Variants in TEAD1 observed in about 807,000 individuals in gnomAD.
TEAD1 encodes the protein transcriptional enhancer factor TEF-1.
A neutral mutation model predicts 54.9 loss-of-function variants in TEAD1; 9 were observed. That is an observed-to-expected ratio of 0.16 (90% CI 0.10 to 0.29). The LOEUF is 0.29. Among genes scored for constraint, TEAD1 ranks in the 10% least tolerant of loss-of-function variants. The pLI, the probability that TEAD1 is intolerant of heterozygous loss-of-function variation, is 1.00. For missense variants in TEAD1, 387 were observed against 535.9 expected (o/e 0.72, Z 2.74); for synonymous variants, 200 against 187.8 (o/e 1.07, Z -0.53).
At chr11:12,784,688 T>A (rs1445400974) in intron 3 of TEAD1, among the ~76,000 whole-genome samples, 3 of 152,208 alleles carry the variant, frequency 2.0e-5, no homozygotes, top group Non-Finnish European at 2.9e-5. Context: ...TGCTGATGTC[T>A]TGGCATGTTC....
At chr11:12,743,843 G>A (rs905925792) in intron 2 of TEAD1, among the ~76,000 whole-genome samples, 3 of 152,164 alleles carry the variant, frequency 2.0e-5, no homozygotes, top group Non-Finnish European at 4.4e-5. Flanking sequence ...CCCTTGATTT[G>A]CCGGACACCT....
intron 2 of TEAD1, among the ~76,000 whole-genome samples, chr11:12,693,155 C>T (rs560214009): frequency 1.5e-4 from 23 of 152,234 alleles, no homozygotes; most frequent in Non-Finnish European, 2.9e-4. Context: ...GCCAGAGGTG[C>T]GAGCCCCTGG....
At chr11:12,844,268 C>T (rs1295849030) in intron 3 of TEAD1, among the ~76,000 whole-genome samples, 1 of 152,136 alleles carries the variant, frequency 6.6e-6, no homozygotes, top group Non-Finnish European at 1.5e-5. Flanking sequence ...AGGTTAAAAA[C>T]TTCACATTTG....
intron 3 of TEAD1, among the ~76,000 whole-genome samples, chr11:12,826,721 G>GA (rs1480497327): frequency 6.6e-6 from 1 of 152,072 alleles, no homozygotes; most frequent in Non-Finnish European, 1.5e-5. Context: ...AGCATCAAAT[G>GA]AAAAAATGTG....
intron 2 of TEAD1, among the ~76,000 whole-genome samples, chr11:12,759,099 T>C (rs1032230576): frequency 2.0e-5 from 3 of 152,134 alleles, no homozygotes; most frequent in African/African-American, 7.2e-5. Context: ...ATTATGAGGA[T>C]TAGTTAAAAT....
At chr11:12,883,959 C>T (rs563120357) in intron 9 of TEAD1, among the ~76,000 whole-genome samples, 22 of 149,794 alleles carry the variant, frequency 1.5e-4, no homozygotes, top group Admixed American at 1.1e-3. Flanking sequence ...CGCGCCACTG[C>T]ACTCCAGCCT....
chr11:12,762,158 C>T (rs1233894409), intron 2 of TEAD1, among the ~76,000 whole-genome samples: 5 of 152,066 alleles, frequency 3.3e-5, no homozygotes. Context: ...GTGAACTGCC[C>T]AGAGCTCAAG....
At chr11:12,823,156 A>G (rs760699458) in intron 3 of TEAD1, among the ~76,000 whole-genome samples, 1 of 152,236 alleles carries the variant, frequency 6.6e-6, no homozygotes, top group Non-Finnish European at 1.5e-5. Context: ...CTTGCTAATC[A>G]GGCTATCCCC....
At chr11:12,925,409 T>G (rs1461089298) in intron 11 of TEAD1, among the ~76,000 whole-genome samples, 4 of 152,038 alleles carry the variant, frequency 2.6e-5, no homozygotes, top group Non-Finnish European at 5.9e-5. Flanking sequence ...TGGTGAGAAC[T>G]CCCACAGTAT....
intron 3 of TEAD1, among the ~76,000 whole-genome samples, chr11:12,810,270 C>T (rs1400006462): frequency 7.9e-5 from 12 of 151,986 alleles, no homozygotes; most frequent in African/African-American, 1.5e-4. Flanking sequence ...TGAGCCACTG[C>T]GCCCTTCCTC....
intron 3 of TEAD1, among the ~76,000 whole-genome samples, chr11:12,825,335 A>G (rs1336317062): frequency 6.6e-6 from 1 of 152,246 alleles, no homozygotes; most frequent in East Asian, 1.9e-4. Context: ...CTAAAGGAAC[A>G]CATGCCCAAT....
intron 10 of TEAD1, among the ~76,000 whole-genome samples, chr11:12,920,305 C>A (rs2727408): frequency 0.53 from 80,410 of 152,014 alleles, 21,829 homozygotes; most frequent in South Asian, 0.65. Context: ...TTACTAACAT[C>A]ATGATGAATA....
chr11:12,760,572 T>G (rs1019034877), intron 2 of TEAD1, among the ~76,000 whole-genome samples: 1 of 152,098 alleles, frequency 6.6e-6, no homozygotes, highest in African/African-American at 2.4e-5. Context: ...TATGGGGAGG[T>G]AAAGATATCA....
At chr11:12,836,264 C>A (rs990727895) in intron 3 of TEAD1, among the ~76,000 whole-genome samples, 6 of 151,558 alleles carry the variant, frequency 4.0e-5, no homozygotes, top group Non-Finnish European at 8.8e-5. Flanking sequence ...ACTAAAAATA[C>A]AAAAAATTAG....
intron 3 of TEAD1, among the ~76,000 whole-genome samples, chr11:12,859,853 A>G (rs1947463444): frequency 6.6e-6 from 1 of 152,196 alleles, no homozygotes; most frequent in African/African-American, 2.4e-5. Flanking sequence ...ACGAGCCCGT[A>G]TGAAAAAGAC....
intron 3 of TEAD1, among the ~76,000 whole-genome samples, chr11:12,861,714 C>T (rs561823483): frequency 4.6e-5 from 7 of 152,302 alleles, no homozygotes; most frequent in East Asian, 1.9e-4. Flanking sequence ...CAGCTGGGTG[C>T]GGTGGCTCAT....
At chr11:12,756,695 A>T (rs991727346) in intron 2 of TEAD1, among the ~76,000 whole-genome samples, 2 of 152,306 alleles carry the variant, frequency 1.3e-5, no homozygotes, top group Non-Finnish European at 2.9e-5. Context: ...AGTGTATTTG[A>T]TATTCCCATA....
intron 3 of TEAD1, among the ~76,000 whole-genome samples, chr11:12,859,293 A>T (rs1158363074): frequency 6.7e-6 from 1 of 150,100 alleles, no homozygotes; most frequent in Non-Finnish European, 1.5e-5. Flanking sequence ...TTTCCCAGAA[A>T]ATAAACAAGT....
rs561777878 is a variant in TEAD1, at chr11:12,771,195, G to A, written c.202+6761G>A. 2.6e-5 allele frequency among the ~76,000 whole-genome samples: 4 copies of A among 152,346 alleles called. No individual in the cohort carries two copies. In the South Asian group the frequency reaches 8.3e-4, roughly 32 times the overall value. ...TGCTTAGAAATGAAAATATCTCCTG[G>A]GGGAGGGGTACAGGAGCCAGCATTG... On this transcript the variant is annotated intron_variant, in intron 3 of 12. Transcript: ENST00000527636.
Sources: gnomAD v4.1 joint callset for allele counts (sites outside exome capture counted in the v4.1 genomes callset) on GRCh38, gnomAD v4.1.1 for gene constraint, MANE v1.5 for transcripts, NCBI Gene and HGNC (gene_info 2026-07-23, HGNC 2026-07-21) for gene names.